The following AKAP19 variants were observed in gnomAD, a reference collection of about 807,000 sequenced individuals.
AKAP19 encodes the protein A-kinase anchoring protein 19, also known as small A-kinase anchoring protein.
the AKAP19 span, among the ~76,000 whole-genome samples, chr2:190,038,878 C>CTCTTTCTTTCTTTCTT: frequency 3.3e-3 from 264 of 80,276 alleles, 18 homozygotes; most frequent in African/African-American, 0.012. Flanking sequence ...AGAGTCCTCC[C>CTCTTTCTTTCTTTCTT]TCTTTCTTTC....
At chr2:189,955,862 C>G in the AKAP19 span, among the ~76,000 whole-genome samples, 3 of 152,080 alleles carry the variant, frequency 2.0e-5, no homozygotes, top group African/African-American at 7.2e-5. Context: ...TGTTTAAAAA[C>G]CAAATCCAAT....
the AKAP19 span, among the ~76,000 whole-genome samples, chr2:190,061,823 T>C: frequency 3.5e-3 from 529 of 152,024 alleles, 2 homozygotes; most frequent in Non-Finnish European, 5.2e-3. Context: ...AGTTTCTTTT[T>C]TTTTTTCTGT....
At chr2:190,066,953 T>C in the AKAP19 span, among the ~76,000 whole-genome samples, 3 of 152,308 alleles carry the variant, frequency 2.0e-5, no homozygotes, top group South Asian at 6.2e-4. Context: ...GACTAGTTTC[T>C]TCATATGAAA....
chr2:190,194,516 A>ACACACG, the AKAP19 span, among the ~76,000 whole-genome samples: 3 of 149,586 alleles, frequency 2.0e-5, no homozygotes, highest in Non-Finnish European at 3.0e-5. Context: ...ACACACACAC[A>ACACACG]CACGCAGCAT....
chr2:189,954,581 C>T, the AKAP19 span, among the ~76,000 whole-genome samples: 1 of 152,212 alleles, frequency 6.6e-6, no homozygotes, highest in African/African-American at 2.4e-5. Flanking sequence ...CAAAAAATTG[C>T]AACCTCAGGC....
chr2:190,016,704 C>G, the AKAP19 span, among the ~76,000 whole-genome samples: 2 of 152,204 alleles, frequency 1.3e-5, no homozygotes, highest in Non-Finnish European at 2.9e-5. Context: ...TGTGGCCTAA[C>G]ATATGATCTA....
At chr2:190,200,295 T>A in the AKAP19 span, 1 of 682,394 alleles carries the variant, frequency 1.5e-6, no homozygotes, top group South Asian at 1.9e-5. Context: ...ACAACTAGGA[T>A]GAAATGCATT....
the AKAP19 span, among the ~76,000 whole-genome samples, chr2:190,133,523 C>A: frequency 6.6e-6 from 1 of 152,124 alleles, no homozygotes; most frequent in African/African-American, 2.4e-5. Context: ...AAAAACAGAT[C>A]TACCATATGA....
the AKAP19 span, among the ~76,000 whole-genome samples, chr2:189,935,694 T>G: frequency 6.6e-6 from 1 of 152,128 alleles, no homozygotes; most frequent in Admixed American, 6.5e-5. Context: ...TTTGAAAATG[T>G]CTTTATCATG....
chr2:189,904,906 GA>G, the AKAP19 span, among the ~76,000 whole-genome samples: 234 of 152,052 alleles, frequency 1.5e-3, no homozygotes, highest in South Asian at 3.3e-3. Context: ...AGAATATTCG[GA>G]ATGAAACAAG....
chr2:189,972,571 G>A, the AKAP19 span, among the ~76,000 whole-genome samples: 1 of 152,166 alleles, frequency 6.6e-6, no homozygotes, highest in Non-Finnish European at 1.5e-5. Context: ...ATTACCTTGG[G>A]CAGTATGGCC....
At chr2:189,941,987 T>A in the AKAP19 span, among the ~76,000 whole-genome samples, 12 of 152,212 alleles carry the variant, frequency 7.9e-5, no homozygotes, top group Middle Eastern at 6.8e-3. Context: ...TCCATGAAAC[T>A]GGAAACCAAA....
the AKAP19 span, among the ~76,000 whole-genome samples, chr2:190,127,352 A>G: frequency 2.6e-5 from 4 of 152,006 alleles, no homozygotes; most frequent in African/African-American, 9.7e-5. Flanking sequence ...CCACCAACAC[A>G]GTTTTTCCTC....
the AKAP19 span, among the ~76,000 whole-genome samples, chr2:190,069,183 A>T: frequency 0.023 from 3,475 of 148,370 alleles, 154 homozygotes; most frequent in East Asian, 0.17. Flanking sequence ...TGTGAGAGAG[A>T]GAGAGAGAGA....
the AKAP19 span, among the ~76,000 whole-genome samples, chr2:189,901,204 T>C: frequency 4.8e-4 from 73 of 152,314 alleles, no homozygotes; most frequent in African/African-American, 1.7e-3. Context: ...GCCATGTAGA[T>C]GTTTTGGGGT....
At chr2:190,148,481 T>A in the AKAP19 span, among the ~76,000 whole-genome samples, 3 of 152,216 alleles carry the variant, frequency 2.0e-5, no homozygotes, top group Non-Finnish European at 4.4e-5. Flanking sequence ...TTTGGTTATG[T>A]CCTTTCCTGG....
chr2:190,087,160 CT>C, the AKAP19 span, among the ~76,000 whole-genome samples: 1 of 152,188 alleles, frequency 6.6e-6, no homozygotes, highest in African/African-American at 2.4e-5. Flanking sequence ...TATACAATAA[CT>C]TGTGGGACAG....
the AKAP19 span, among the ~76,000 whole-genome samples, chr2:190,154,833 G>A: frequency 6.6e-6 from 1 of 152,198 alleles, no homozygotes; most frequent in Non-Finnish European, 1.5e-5. Flanking sequence ...CATTTGGGTA[G>A]GGAACAGACC....
chr2:189,992,354 C>G, the AKAP19 span, among the ~76,000 whole-genome samples: 1 of 152,070 alleles, frequency 6.6e-6, no homozygotes, highest in African/African-American at 2.4e-5. Context: ...CCACTCCTGG[C>G]CACAATTTTT....
Sources: gnomAD v4.1 joint callset for allele counts (sites outside exome capture counted in the v4.1 genomes callset) on GRCh38, gnomAD v4.1.1 for gene constraint, MANE v1.5 for transcripts, NCBI Gene and HGNC (gene_info 2026-07-23, HGNC 2026-07-21) for gene names.